GALNT13: variants seen among roughly 807,000 people sequenced by gnomAD.
GALNT13 encodes the protein UDP-GalNAc:polypeptide N-acetylgalactosaminyltransferase 13.
GALNT13 carries 28 observed loss-of-function variants against 64.2 expected under a neutral mutation model. The ratio of observed to expected loss-of-function variants is 0.44; its 90% CI spans 0.32 to 0.60. The LOEUF (loss-of-function observed/expected upper bound fraction) is 0.60. Among genes scored for constraint, GALNT13 ranks in the 20% least tolerant of loss-of-function variants. The probability of loss-of-function intolerance (pLI) is 0.05; values close to 1 mark genes in which losing one functional copy is unlikely to be tolerated. For synonymous variants in GALNT13, 214 were observed against 224.6 expected, an observed-to-expected ratio of 0.95 and a Z score of 0.42; for missense variants, 577 against 669.8, an observed-to-expected ratio of 0.86 and a Z score of 1.53.
intron 11 of GALNT13, chr2:154,409,362 G>C: frequency 2.8e-6 from 1 of 361,444 alleles, no homozygotes; most frequent in Non-Finnish European, 5.1e-6. Context: ...TAGCAAATGA[G>C]AGGAGTACAT....
chr2:153,307,345 T>A, the GALNT13 span, among the ~76,000 whole-genome samples: 1 of 152,134 alleles, frequency 6.6e-6, no homozygotes, highest in African/African-American at 2.4e-5. Context: ...GAAAAAAGCA[T>A]TACAATTATG....
the GALNT13 span, chr2:153,477,904 G>A: frequency 5.8e-6 from 2 of 341,884 alleles, no homozygotes; most frequent in East Asian, 6.1e-5. Context: ...TGCCCCCAGA[G>A]CTTGGCCCAC....
At chr2:153,719,703 C>CA in the GALNT13 span, among the ~76,000 whole-genome samples, 1 of 151,948 alleles carries the variant, frequency 6.6e-6, no homozygotes, top group African/African-American at 2.4e-5. Context: ...GGGTGACGGA[C>CA]GCACCTGGAA....
chr2:153,285,440 G>T, the GALNT13 span, among the ~76,000 whole-genome samples: 1 of 152,040 alleles, frequency 6.6e-6, no homozygotes, highest in Non-Finnish European at 1.5e-5. Context: ...TCACACTAGG[G>T]AAAATGGAAT....
chr2:154,301,520 A>T lies in GALNT13; in HGVS notation c.1087A>T (p.Lys363Ter). Residue 363 changes from lysine (K) to a stop codon, truncating the protein, a stop_gained, in exon 9 of 13, where the codon AAG (lysine) becomes TAG (stop). Coordinates refer to ENST00000392825, the MANE Select transcript of GALNT13 (RefSeq NM_052917.4). LOFTEE classifies it high-confidence loss of function. The stretch of plus-strand genomic sequence containing the variant: ...TGGTGGCACTGGTCATGTCATCAAC[A>T]AGAACAACAGGAGACTGGCAGAAGT... ...FPGGTGHVIN[K>*]NNRRLAEVWM... is the part of the protein sequence containing the mutation. 6.2e-7 allele frequency: 1 copy of T among 1,613,800 alleles called. No homozygotes were observed. Among genetic ancestry groups the T allele is most frequent in the Non-Finnish European group, 8.5e-7 (1 of 1,179,744 alleles).
chr2:153,251,257 A>C, the GALNT13 span, among the ~76,000 whole-genome samples: 6 of 152,174 alleles, frequency 3.9e-5, no homozygotes, highest in Non-Finnish European at 7.3e-5. Flanking sequence ...AATATGACTT[A>C]GTGTATGTTA....
the GALNT13 span, among the ~76,000 whole-genome samples, chr2:153,385,528 CA>C: frequency 6.6e-6 from 1 of 151,790 alleles, no homozygotes; most frequent in African/African-American, 2.4e-5. Flanking sequence ...GGATGTCTAC[CA>C]GGGGCTGGGA....
chr2:154,287,111 A>G (rs1692313347), intron 8 of GALNT13: 1 of 1,136,242 alleles, frequency 8.8e-7, no homozygotes, highest in Non-Finnish European at 1.3e-6. Flanking sequence ...TTTGGATGGC[A>G]TGTCCTTGAC....
At chr2:153,868,325 C>T (rs1003842746), upstream of GALNT13, among the ~76,000 whole-genome samples, 2 of 152,026 alleles carry the variant, frequency 1.3e-5, no homozygotes, top group East Asian at 1.9e-4. Flanking sequence ...AGGAGGTAAG[C>T]AGAGCCCCAG....
the GALNT13 span, among the ~76,000 whole-genome samples, chr2:153,441,717 TG>T: frequency 2.0e-5 from 3 of 152,324 alleles, no homozygotes; most frequent in East Asian, 5.8e-4. Flanking sequence ...CAATTGTGAA[TG>T]GGAGTTCACT....
chr2:153,069,385 C>T, the GALNT13 span, among the ~76,000 whole-genome samples: 18 of 152,236 alleles, frequency 1.2e-4, no homozygotes, highest in African/African-American at 4.3e-4. Flanking sequence ...AAGAGTGCTG[C>T]AGTGGGAGAG....
chr2:153,349,187 C>T, the GALNT13 span, among the ~76,000 whole-genome samples: 2 of 151,956 alleles, frequency 1.3e-5, no homozygotes, highest in African/African-American at 4.8e-5. Flanking sequence ...AAGAATATTA[C>T]TTCAGAGCAA....
the GALNT13 span, among the ~76,000 whole-genome samples, chr2:153,573,175 C>T: frequency 6.6e-6 from 1 of 151,770 alleles, no homozygotes; most frequent in Non-Finnish European, 1.5e-5. Context: ...CTGAATTGAC[C>T]CCTTTATCAT....
chr2:153,939,509 C>T (rs1482245111), intron 2 of GALNT13, among the ~76,000 whole-genome samples: 1 of 152,162 alleles, frequency 6.6e-6, no homozygotes, highest in East Asian at 1.9e-4. Flanking sequence ...GTGAAATGCA[C>T]TGATCTTAAG....
chr2:154,424,729 A>G (rs955087358), intron 11 of GALNT13, among the ~76,000 whole-genome samples: 6 of 152,222 alleles, frequency 3.9e-5, no homozygotes, highest in African/African-American at 1.4e-4. Context: ...CTAGTTATCC[A>G]CAGTGTAACT....
chr2:153,790,828 T>A, the GALNT13 span, among the ~76,000 whole-genome samples: 2 of 152,062 alleles, frequency 1.3e-5, no homozygotes, highest in Non-Finnish European at 2.9e-5. Flanking sequence ...GAGTGCCAAA[T>A]AAGGAATGCA....
At chr2:154,376,814 G>C (rs1698020505) in intron 9 of GALNT13, among the ~76,000 whole-genome samples, 1 of 152,016 alleles carries the variant, frequency 6.6e-6, no homozygotes, top group Non-Finnish European at 1.5e-5. Flanking sequence ...AAATAAAGCA[G>C]AAAAATCTTA....
chr2:153,243,796 G>C, the GALNT13 span, among the ~76,000 whole-genome samples: 1 of 152,050 alleles, frequency 6.6e-6, no homozygotes, highest in Non-Finnish European at 1.5e-5. Flanking sequence ...CATAGTCATT[G>C]AACATTAAAA....
At chr2:153,889,027 C>T (rs1259333995) in intron 1 of GALNT13, among the ~76,000 whole-genome samples, 5 of 151,928 alleles carry the variant, frequency 3.3e-5, no homozygotes, top group African/African-American at 7.2e-5. Flanking sequence ...ATCAAAGATA[C>T]ACTGTTTCCT....
Sources: gnomAD v4.1 joint callset for allele counts (sites outside exome capture counted in the v4.1 genomes callset) on GRCh38, gnomAD v4.1.1 for gene constraint, MANE v1.5 for transcripts, NCBI Gene and HGNC (gene_info 2026-07-23, HGNC 2026-07-21) for gene names.